LRFN2: variants seen among roughly 807,000 people sequenced by gnomAD.
LRFN2 encodes leucine rich repeat and fibronectin type III domain containing 2.
Under a neutral mutation model 37.3 loss-of-function variants are expected in LRFN2, and 18 were observed. The ratio of observed to expected loss-of-function variants is 0.48; its 90% CI spans 0.33 to 0.72. The LOEUF (loss-of-function observed/expected upper bound fraction) is 0.72. Ranked by LOEUF, LRFN2 falls within the 30% of genes least tolerant of loss-of-function variation. LRFN2 has a pLI of 0.02. For synonymous variants in LRFN2, 556 were observed against 466.6 expected, an observed-to-expected ratio of 1.19 and a Z score of -2.47; for missense variants, 1,006 against 1,060.7, an observed-to-expected ratio of 0.95 and a Z score of 0.72.
chr6:40,440,130 GA>G (rs11399236), intron 1 of LRFN2, among the ~76,000 whole-genome samples: 64 of 147,332 alleles, frequency 4.3e-4, no homozygotes, highest in Admixed American at 1.2e-3. Flanking sequence ...CAGACAACAG[GA>G]AAAAAAAAAG....
At chr6:40,585,980 C>T (rs1159904064) in intron 1 of LRFN2, among the ~76,000 whole-genome samples, 1 of 152,142 alleles carries the variant, frequency 6.6e-6, no homozygotes, top group Non-Finnish European at 1.5e-5. Flanking sequence ...GGTGTCTGTC[C>T]GTCTGCAGCT....
intron 1 of LRFN2, among the ~76,000 whole-genome samples, chr6:40,556,739 ACAC>A (rs1766895163): frequency 6.8e-6 from 1 of 147,808 alleles, no homozygotes; most frequent in Non-Finnish European, 1.5e-5. Flanking sequence ...ACACACACAC[ACAC>A]ACACACACAC....
chr6:40,422,595 G>T (rs539472103), intron 2 of LRFN2, among the ~76,000 whole-genome samples: 6 of 152,278 alleles, frequency 3.9e-5, no homozygotes, highest in African/African-American at 1.4e-4. Flanking sequence ...TAATGAGGCT[G>T]AATAGAGCTG....
chr6:40,553,140 T>A (rs748798760), intron 1 of LRFN2, among the ~76,000 whole-genome samples: 5 of 152,204 alleles, frequency 3.3e-5, no homozygotes, highest in Non-Finnish European at 5.9e-5. Context: ...ATGTTGCTTT[T>A]CTCAGCCACT....
intron 1 of LRFN2, among the ~76,000 whole-genome samples, chr6:40,479,253 C>T (rs142928251): frequency 6.6e-6 from 1 of 152,340 alleles, no homozygotes; most frequent in Non-Finnish European, 1.5e-5. Flanking sequence ...CGATGTCTCT[C>T]CCAACCTCTT....
At chr6:40,408,412 T>A (rs1762893081) in intron 2 of LRFN2, among the ~76,000 whole-genome samples, 1 of 151,982 alleles carries the variant, frequency 6.6e-6, no homozygotes, top group Non-Finnish European at 1.5e-5. Context: ...GGTGGTCCTG[T>A]CAGATCTGGG....
Position 40,392,288 on chromosome 6 carries a change from G to C in LRFN2, c.2025C>G (p.Asp675Glu), listed in dbSNP as rs2113788586. The change falls in exon 3 of 3, where the codon GAC (aspartate) becomes GAG (glutamate). Residue 675 changes from aspartate (D) to glutamate (E), a missense_variant. By Grantham distance (45) the Asp-to-Glu change is conservative (BLOSUM62 2). Transcript: ENST00000338305. The surrounding 1 kb of genome is among the most constrained non-coding windows in gnomAD (Gnocchi z 4.7). ...LKSQRKEELL[D>E]SRTPAGRGAG... ...CCCCTCTCCCGGCTGGAGTCCTGGA[G>C]TCCAGCAGCTCCTCCTTTCTCTGAC... 3.1e-6 allele frequency: 5 copies of C among 1,607,630 alleles called. No homozygotes were observed. The highest frequency in any genetic ancestry group is 4.2e-6 in the Non-Finnish European group (5 of 1,177,532).
chr6:40,398,029 C>G (rs980806065), intron 2 of LRFN2, among the ~76,000 whole-genome samples: 3 of 151,972 alleles, frequency 2.0e-5, no homozygotes, highest in African/African-American at 7.2e-5. Context: ...CACTGGCCTG[C>G]AACAGAGTGG....
chr6:40,475,875 G>C (rs1383757341), intron 1 of LRFN2, among the ~76,000 whole-genome samples: 1 of 152,204 alleles, frequency 6.6e-6, no homozygotes, highest in African/African-American at 2.4e-5. Flanking sequence ...AGGATGCACA[G>C]CTAATTAAAG....
At chr6:40,435,052 T>TATATATATAGAGAG (rs1482968698) in intron 1 of LRFN2, among the ~76,000 whole-genome samples, 9 of 37,536 alleles carry the variant, frequency 2.4e-4, no homozygotes, top group Non-Finnish European at 3.4e-4. Context: ...TATATATATA[T>TATATATATAGAGAG]AGAGAGAGAG....
rs1313877973 is a variant in LRFN2, at chr6:40,491,504, GTGTT to G, written c.-18-58377_-18-58374del. On this transcript the variant is annotated intron_variant, in intron 1 of 2. Coordinates refer to ENST00000338305, the MANE Select transcript of LRFN2 (RefSeq NM_020737.3). ...GGTAGGCAGCTTACCCTCTCTGAGTGTGTTTCCCTCACTCTATTTTGCCATGTGA... is the reference window on the plus strand; with the variant it reads ...GGTAGGCAGCTTACCCTCTCTGAGTGTCCCTCACTCTATTTTGCCATGTGA... Among the ~76,000 whole-genome samples, 500 of 131,578 alleles carry G rather than the reference GTGTT, an allele frequency of 3.8e-3. 7 individuals carry two copies. The highest frequency in any genetic ancestry group is 0.014 in the East Asian group (53 of 3,786). 86.3% of individuals were successfully genotyped at this position (131,578 alleles called of 152,430 possible). A position where few individuals can be genotyped will look rare whatever the true frequency, so the allele number is the denominator to read the frequency against.
chr6:40,490,762 G>A (rs1050227750), intron 1 of LRFN2, among the ~76,000 whole-genome samples: 17 of 152,202 alleles, frequency 1.1e-4, no homozygotes, highest in African/African-American at 3.9e-4. Flanking sequence ...CTTGCTCCTG[G>A]GCTCAGAGAA....
chr6:40,536,311 C>A (rs558252037), intron 1 of LRFN2, among the ~76,000 whole-genome samples: 3 of 152,058 alleles, frequency 2.0e-5, no homozygotes, highest in Admixed American at 6.5e-5. Flanking sequence ...CCTCAGGGAG[C>A]CCCAGTCTGA....
At chr6:40,550,227 G>A (rs1012243891) in intron 1 of LRFN2, among the ~76,000 whole-genome samples, 4 of 152,054 alleles carry the variant, frequency 2.6e-5, no homozygotes, top group African/African-American at 9.7e-5. Flanking sequence ...ATGAAATGAA[G>A]GGCTAGGGTA....
At chr6:40,509,703 G>A (rs894419749) in intron 1 of LRFN2, among the ~76,000 whole-genome samples, 9 of 151,328 alleles carry the variant, frequency 5.9e-5, no homozygotes, top group Admixed American at 2.0e-4. Flanking sequence ...GGTATGCCAA[G>A]GAACACTGAG....
intron 1 of LRFN2, among the ~76,000 whole-genome samples, chr6:40,536,950 T>C (rs1329078262): frequency 6.6e-6 from 1 of 152,218 alleles, no homozygotes; most frequent in African/African-American, 2.4e-5. Flanking sequence ...ACCTCCAAGC[T>C]TTCTTAAACC....
intron 2 of LRFN2, among the ~76,000 whole-genome samples, chr6:40,397,044 C>G (rs1581674449): frequency 6.6e-6 from 1 of 152,310 alleles, no homozygotes; most frequent in East Asian, 1.9e-4. Context: ...TTGCATCCCA[C>G]AGCCCACACT....
chr6:40,557,803 C>T (rs1766918558), intron 1 of LRFN2, among the ~76,000 whole-genome samples: 1 of 152,120 alleles, frequency 6.6e-6, no homozygotes, highest in South Asian at 2.1e-4. Context: ...GTCATAAGAT[C>T]CTTGCAAAGT....
At chr6:40,431,628 G>T in intron 2 of LRFN2, 86 bp downstream of exon 2, 1 of 1,212,960 alleles carries the variant, frequency 8.2e-7, no homozygotes, top group Non-Finnish European at 1.1e-6. Context: ...GAGGGGTATA[G>T]GTGGGAGCAG....
Sources: gnomAD v4.1 joint callset for allele counts (sites outside exome capture counted in the v4.1 genomes callset) on GRCh38, gnomAD v4.1.1 for gene constraint, Gnocchi (gnomAD v3.1) non-coding constraint, MANE v1.5 for transcripts, NCBI Gene and HGNC (gene_info 2026-07-23, HGNC 2026-07-21) for gene names.